The following FAM135B variants were observed in gnomAD, a reference collection of about 807,000 sequenced individuals.
FAM135B encodes protein FAM135B.
Under a neutral mutation model 127.7 loss-of-function variants are expected in FAM135B, and 43 were observed. That is an observed-to-expected ratio of 0.34 (90% CI 0.26 to 0.43). The LOEUF (loss-of-function observed/expected upper bound fraction) is 0.43. FAM135B is among the 20% of genes least tolerant of loss of function. The pLI is 1.00. For missense variants in FAM135B, 1,558 were observed against 1,725.6 expected, an observed-to-expected ratio of 0.90 and a Z score of 1.72; for synonymous variants, 670 against 665.1, an observed-to-expected ratio of 1.01 and a Z score of -0.11.
Position 138,425,964 on chromosome 8 carries a change from CATATATATATATATATATATATATAT to C in FAM135B, c.-19-57988_-19-57963del, listed in dbSNP as rs11271386. Among the ~76,000 whole-genome samples, 15 of 110,008 alleles carry C rather than the reference CATATATATATATATATATATATATAT, an allele frequency of 1.4e-4. 1 individual carries two copies. Among genetic ancestry groups the C allele is most frequent in the South Asian group, 4.8e-4 (1 of 2,098 alleles). The allele number at this position is 110,008 out of a possible 152,430, so 72.2% of individuals were successfully genotyped here. A position where few individuals can be genotyped will look rare whatever the true frequency, so the allele number is the denominator to read the frequency against. ...AGGAGTTCGAGACCAGCCAGGCCAA[CATATATATATATATATATATATATAT>C]ATATATATATATATATATATATACA... On this transcript the variant is annotated intron_variant, in intron 1 of 19. Coordinates refer to ENST00000395297, the MANE Select transcript of FAM135B (RefSeq NM_015912.4).
chr8:138,230,418 T>C (rs569574774), intron 7 of FAM135B, among the ~76,000 whole-genome samples: 1 of 152,128 alleles, frequency 6.6e-6, no homozygotes, highest in South Asian at 2.1e-4. Context: ...TGTACAATAC[T>C]AGAAAAATAA....
intron 3 of FAM135B, among the ~76,000 whole-genome samples, chr8:138,283,793 T>C (rs912008522): frequency 2.0e-5 from 3 of 152,018 alleles, no homozygotes; most frequent in African/African-American, 4.8e-5. Flanking sequence ...TGTCTGACCA[T>C]GTTAAGGAGA....
At chr8:138,205,621 C>T (rs1410690497) in intron 7 of FAM135B, among the ~76,000 whole-genome samples, 1 of 152,144 alleles carries the variant, frequency 6.6e-6, no homozygotes, top group Non-Finnish European at 1.5e-5. Context: ...AGCTTTTAGT[C>T]AGTAATACCT....
At chr8:138,448,815 C>T (rs1317074548) in intron 1 of FAM135B, among the ~76,000 whole-genome samples, 3 of 149,696 alleles carry the variant, frequency 2.0e-5, no homozygotes, top group Non-Finnish European at 4.4e-5. Flanking sequence ...AGCTAGGAAT[C>T]AGAAAAAAAA....
At chr8:138,147,083 C>T (rs1817719215) in intron 14 of FAM135B, among the ~76,000 whole-genome samples, 1 of 152,066 alleles carries the variant, frequency 6.6e-6, no homozygotes. Flanking sequence ...TGTTGGTGGC[C>T]TGTCAGAGTA....
intron 13 of FAM135B, among the ~76,000 whole-genome samples, chr8:138,149,167 T>C (rs1179637175): frequency 7.2e-6 from 1 of 138,192 alleles, no homozygotes; most frequent in Non-Finnish European, 1.6e-5. Context: ...AAATAAAATT[T>C]TAAAAAGAGA....
At chr8:138,406,860 T>A (rs1331326009) in intron 1 of FAM135B, among the ~76,000 whole-genome samples, 2 of 151,464 alleles carry the variant, frequency 1.3e-5, no homozygotes, top group African/African-American at 4.9e-5. Context: ...AAGACAGGGA[T>A]GCCCTCTCTC....
chr8:138,380,269 C>T lies in FAM135B; in HGVS notation c.-19-12267G>A, dbSNP rs529784369. On this transcript the variant is annotated intron_variant, in intron 1 of 19. Transcript: ENST00000395297. ...CTGGAGCGTAGTGGTGCGATCTTGG[C>T]TCACAGCAACCTCCGCCTCCTGGGC... Among the ~76,000 whole-genome samples, 10 of 152,186 alleles carry T rather than the reference C, an allele frequency of 6.6e-5. No homozygotes were observed. The Middle Eastern group carries it at 0.01, about 155-fold the overall frequency.
intron 1 of FAM135B, chr8:138,450,606 G>C (rs1290839028): frequency 6.6e-6 from 1 of 152,144 alleles, no homozygotes; most frequent in African/African-American, 2.4e-5. Flanking sequence ...CTATGATATG[G>C]AGCTTCTTTT....
chr8:138,442,625 A>T (rs1458073067), intron 1 of FAM135B, among the ~76,000 whole-genome samples: 1 of 152,090 alleles, frequency 6.6e-6, no homozygotes, highest in Non-Finnish European at 1.5e-5. Context: ...AGAGGAGCAC[A>T]AAAACAATCA....
intron 9 of FAM135B, among the ~76,000 whole-genome samples, chr8:138,194,858 T>G (rs149327486): frequency 1.0e-3 from 158 of 152,342 alleles, no homozygotes; most frequent in South Asian, 2.5e-3. Flanking sequence ...GTGACTGTTT[T>G]CATGATCATC....
At chr8:138,491,604 CTCATTCATTCAT>C (rs145147091) in intron 1 of FAM135B, among the ~76,000 whole-genome samples, 10 of 152,234 alleles carry the variant, frequency 6.6e-5, no homozygotes, top group Non-Finnish European at 7.4e-5. Flanking sequence ...CCTACGTTCA[CTCATTCATTCAT>C]TCATTCATTC....
intron 3 of FAM135B, among the ~76,000 whole-genome samples, chr8:138,278,344 G>A (rs1271430142): frequency 6.6e-6 from 1 of 151,638 alleles, no homozygotes; most frequent in African/African-American, 2.4e-5. Flanking sequence ...GAAAGTCACA[G>A]TGTCATCTGC....
At chr8:138,203,718 G>C (rs983321154) in intron 7 of FAM135B, among the ~76,000 whole-genome samples, 1 of 152,096 alleles carries the variant, frequency 6.6e-6, no homozygotes, top group East Asian at 1.9e-4. Flanking sequence ...AAGGTATGGG[G>C]GATGGTTTTG....
At chr8:138,312,104 G>A (rs4909771) in intron 2 of FAM135B, among the ~76,000 whole-genome samples, 68,512 of 151,810 alleles carry the variant, frequency 0.45, 17,435 homozygotes, top group Non-Finnish European at 0.59. Context: ...GCACCACCAC[G>A]CCTGGCTAAT....
At chr8:138,176,243 G>T (rs1022678133) in intron 11 of FAM135B, among the ~76,000 whole-genome samples, 5 of 152,208 alleles carry the variant, frequency 3.3e-5, no homozygotes, top group Non-Finnish European at 5.9e-5. Flanking sequence ...CACTGCTTGA[G>T]AATGCAACCA....
intron 1 of FAM135B, among the ~76,000 whole-genome samples, chr8:138,375,641 TATGA>T (rs1405059031): frequency 6.6e-6 from 1 of 152,334 alleles, no homozygotes; most frequent in Non-Finnish European, 1.5e-5. Context: ...TAGTTAATTG[TATGA>T]GTGTTTCATT....
At chr8:138,295,133 G>GTTTTTTTTTTT (rs1825391498) in intron 3 of FAM135B, among the ~76,000 whole-genome samples, 2 of 115,404 alleles carry the variant, frequency 1.7e-5, no homozygotes, top group African/African-American at 6.9e-5. Flanking sequence ...TTTTTTTTGG[G>GTTTTTTTTTTT]TAGGAATCCC....
At chr8:138,207,884 T>G (rs1465051438) in intron 7 of FAM135B, among the ~76,000 whole-genome samples, 1 of 152,202 alleles carries the variant, frequency 6.6e-6, no homozygotes, top group Non-Finnish European at 1.5e-5. Flanking sequence ...TGGTAGCTGA[T>G]AGCACTGCCA....
Sources: allele counts gnomAD v4.1 joint callset (sites outside exome capture counted in the v4.1 genomes callset), GRCh38; gene constraint gnomAD v4.1.1; transcripts MANE v1.5; gene names NCBI Gene and HGNC (gene_info 2026-07-23, HGNC 2026-07-21).